The following DNAH14 variants were observed in gnomAD, a reference collection of about 807,000 sequenced individuals.
DNAH14 encodes dynein axonemal heavy chain 14.
A neutral mutation model predicts 520.9 loss-of-function variants in DNAH14; 478 were observed. The ratio of observed to expected loss-of-function variants is 0.92; its 90% CI spans 0.85 to 0.99. DNAH14 has a LOEUF of 0.99. Among genes scored for constraint, DNAH14 ranks in the 50% least tolerant of loss-of-function variants. DNAH14 has a pLI of 0.00. For synonymous variants in DNAH14, 1,581 were observed against 1,757.2 expected, an observed-to-expected ratio of 0.90 and a Z score of 2.51; for missense variants, 4,831 against 5,234.5, an observed-to-expected ratio of 0.92 and a Z score of 2.38.
At chr1:225,287,861 A>G (rs561696332) in intron 54 of DNAH14, among the ~76,000 whole-genome samples, 10 of 152,324 alleles carry the variant, frequency 6.6e-5, no homozygotes, top group Admixed American at 6.5e-4. Flanking sequence ...GCCAACTAAA[A>G]GAGTTCACAG....
intron 42 of DNAH14, among the ~76,000 whole-genome samples, chr1:225,237,908 C>T (rs2091709718): frequency 6.6e-6 from 1 of 152,150 alleles, no homozygotes; most frequent in Admixed American, 6.6e-5. Context: ...GTCTATTCTG[C>T]TATTGATACT....
At position 225,185,241 on chromosome 1, in the gene DNAH14, ATAAACT is replaced by A. The variant is rs1307627133; in HGVS notation, c.5536-45_5536-40del. ...AATGGATATAGAGATATATTGGTTA[ATAAACT>A]TAAAATCATTAATGAATGAATAAAT... On this transcript the variant is annotated intron_variant, in intron 36 of 85. Coordinates refer to ENST00000682510, the MANE Select transcript of DNAH14 (RefSeq NM_001367479.1). 3 of 1,519,688 alleles carry A rather than the reference ATAAACT, an allele frequency of 2.0e-6. No individual in the cohort carries two copies. In the East Asian group the frequency reaches 7.6e-5, roughly 38 times the overall value. The allele number at this position is 1,519,688 out of a possible 1,614,324, so 94.1% of individuals were successfully genotyped here. A position where few individuals can be genotyped will look rare whatever the true frequency, so the allele number is the denominator to read the frequency against.
intron 17 of DNAH14, among the ~76,000 whole-genome samples, chr1:225,062,274 G>A (rs546445751): frequency 2.0e-5 from 3 of 151,948 alleles, no homozygotes; most frequent in Non-Finnish European, 2.9e-5. Flanking sequence ...ACTCCAGCAT[G>A]GTCAACAGAA....
At position 225,113,111 on chromosome 1, in the gene DNAH14, G is replaced by A. The variant is rs147447094; in HGVS notation, c.3868-4573G>A. ...CAGTCTGGGCTTGTTTGAACTTATC[G>A]TTCTTGGGCAGGCCTTCCAGGTATT... On this transcript the variant is annotated intron_variant, in intron 23 of 85. Transcript: ENST00000682510. Among the ~76,000 whole-genome samples, 46 of 152,096 alleles carry A rather than the reference G, an allele frequency of 3.0e-4. No homozygotes were observed. In the East Asian group the frequency reaches 7.9e-3, roughly 26 times the overall value.
intron 27 of DNAH14, among the ~76,000 whole-genome samples, chr1:225,138,380 G>A (rs2079145224): frequency 6.6e-6 from 1 of 152,212 alleles, no homozygotes; most frequent in Admixed American, 6.5e-5. Flanking sequence ...TCAGCCCTCT[G>A]CCATTGGCTG....
At chr1:225,350,332 T>C (rs2095347573) in intron 71 of DNAH14, among the ~76,000 whole-genome samples, 1 of 151,778 alleles carries the variant, frequency 6.6e-6, no homozygotes, top group Non-Finnish European at 1.5e-5. Context: ...AAGAAGAAAG[T>C]GTACTTAAAT....
intron 69 of DNAH14, among the ~76,000 whole-genome samples, chr1:225,340,978 C>A (rs2095166477): frequency 6.6e-6 from 1 of 152,150 alleles, no homozygotes; most frequent in East Asian, 1.9e-4. Flanking sequence ...CTAGTTAGTT[C>A]CCTCCAAGGC....
intron 15 of DNAH14, among the ~76,000 whole-genome samples, chr1:225,044,247 G>A (rs2067737101): frequency 1.3e-5 from 2 of 152,100 alleles, no homozygotes; most frequent in African/African-American, 4.8e-5. Context: ...TCTATAGAAT[G>A]TTATGACACT....
intron 17 of DNAH14, among the ~76,000 whole-genome samples, chr1:225,073,668 G>T: frequency 6.6e-6 from 1 of 151,830 alleles, no homozygotes; most frequent in Admixed American, 6.6e-5. Context: ...GTTTTTTGTT[G>T]TTGTTGTTGT....
chr1:225,099,403 A>T (rs1558951089), intron 22 of DNAH14, among the ~76,000 whole-genome samples: 1 of 152,072 alleles, frequency 6.6e-6, no homozygotes, highest in African/African-American at 2.4e-5. Flanking sequence ...ACCAGCGGTA[A>T]TTTTTTTACC....
chr1:225,121,707 G>C (rs1036579359), intron 26 of DNAH14, among the ~76,000 whole-genome samples: 4 of 152,068 alleles, frequency 2.6e-5, no homozygotes, highest in African/African-American at 9.7e-5. Flanking sequence ...CAGGCATGGT[G>C]ATGCACACCT....
intron 15 of DNAH14, among the ~76,000 whole-genome samples, chr1:225,049,179 C>A (rs577346904): frequency 6.0e-5 from 9 of 149,220 alleles, no homozygotes; most frequent in Non-Finnish European, 1.2e-4. Flanking sequence ...CTGCTTCAAC[C>A]TCCTGAGTAG....
intron 43 of DNAH14, among the ~76,000 whole-genome samples, chr1:225,245,861 TA>T: frequency 6.6e-6 from 1 of 152,056 alleles, no homozygotes; most frequent in African/African-American, 2.4e-5. Flanking sequence ...TTCACAGAAT[TA>T]GGAAAAACTA....
At chr1:225,173,410 CAAGAA>C (rs889706457) in intron 36 of DNAH14, among the ~76,000 whole-genome samples, 2 of 152,094 alleles carry the variant, frequency 1.3e-5, no homozygotes, top group African/African-American at 4.8e-5. Flanking sequence ...AACAAATCTA[CAAGAA>C]AAGAACAAAC....
intron 68 of DNAH14, among the ~76,000 whole-genome samples, chr1:225,339,030 C>G (rs56383639): frequency 6.6e-6 from 1 of 151,606 alleles, no homozygotes; most frequent in African/African-American, 2.4e-5. Flanking sequence ...GGCGTGGTGG[C>G]GCACGCCTGT....
intron 18 of DNAH14, among the ~76,000 whole-genome samples, chr1:225,079,830 C>T (rs1195698185): frequency 4.0e-5 from 6 of 151,694 alleles, no homozygotes; most frequent in South Asian, 2.1e-4. Context: ...CCTGCCACCA[C>T]GCCCGGCTAA....
At chr1:225,168,543 T>C (rs2082270445) in intron 36 of DNAH14, among the ~76,000 whole-genome samples, 2 of 152,188 alleles carry the variant, frequency 1.3e-5, no homozygotes, top group African/African-American at 4.8e-5. Flanking sequence ...CCACGGAGCC[T>C]CACTCATGGC....
rs536609987 is a variant in DNAH14 at position 225,231,212 on chromosome 1, A to G, written c.6518+61A>G. On this transcript the variant is annotated intron_variant, in intron 42 of 85. Transcript: ENST00000682510. The stretch of plus-strand genomic sequence containing the variant: ...ACCATTAGGTGCCAGACCCTCAAAT[A>G]TGCACAGGATTACTTCTCAATAAAT... The G allele has an allele frequency of 2.5e-5, 27 of 1,077,834 alleles. No individual in the cohort carries two copies. In the African/African-American group the frequency reaches 3.9e-4, roughly 16 times the overall value. 66.8% of individuals were successfully genotyped at this position (1,077,834 alleles called of 1,614,324 possible).
At chr1:225,044,075 G>A in intron 15 of DNAH14, 92 bp downstream of exon 15, 1 of 702,322 alleles carries the variant, frequency 1.4e-6, no homozygotes, top group Non-Finnish European at 2.3e-6. Context: ...CAGGGATGTG[G>A]CAGATGTTAC....
Sources: gnomAD v4.1 joint callset for allele counts (sites outside exome capture counted in the v4.1 genomes callset) on GRCh38, gnomAD v4.1.1 for gene constraint, MANE v1.5 for transcripts, NCBI Gene and HGNC (gene_info 2026-07-23, HGNC 2026-07-21) for gene names.